Variants in SNUPN observed in about 807,000 individuals in gnomAD.
SNUPN encodes the protein snurportin-1.
SNUPN carries 31 observed loss-of-function variants against 39.2 expected under a neutral mutation model. That is an observed-to-expected ratio of 0.79 (90% CI 0.59 to 1.07). SNUPN has a LOEUF of 1.07. Ranked by LOEUF, SNUPN falls within the 50% of genes least tolerant of loss-of-function variation. The pLI is 0.00. For synonymous variants in SNUPN, 132 were observed against 159.0 expected, an observed-to-expected ratio of 0.83 and a Z score of 1.28; for missense variants, 382 against 434.2, an observed-to-expected ratio of 0.88 and a Z score of 1.07.
At chr15:75,614,328 T>TA (rs891690278) in intron 3 of SNUPN, among the ~76,000 whole-genome samples, 2 of 151,770 alleles carry the variant, frequency 1.3e-5, no homozygotes, top group African/African-American at 2.4e-5. Flanking sequence ...AAAAAACAAA[T>TA]AAAAATGGCA....
intron 2 of SNUPN, among the ~76,000 whole-genome samples, chr15:75,619,395 A>G (rs916780652): frequency 3.3e-5 from 5 of 152,038 alleles, no homozygotes; most frequent in African/African-American, 1.2e-4. Flanking sequence ...AAATCCCAGC[A>G]CTTTGGGAGG....
At chr15:75,600,254 C>T (rs1214704831) in intron 8 of SNUPN, among the ~76,000 whole-genome samples, 2 of 151,458 alleles carry the variant, frequency 1.3e-5, no homozygotes, top group South Asian at 2.1e-4. Context: ...ACTGGGGAGC[C>T]TCTGGGGCTG....
At chr15:75,607,974 G>A (rs931664534) in intron 5 of SNUPN, among the ~76,000 whole-genome samples, 1 of 152,184 alleles carries the variant, frequency 6.6e-6, no homozygotes, top group African/African-American at 2.4e-5. Context: ...AATGAACTGG[G>A]CACATGTGGG....
chr15:75,624,735 G>T, intron 1 of SNUPN: 1 of 1,277,246 alleles, frequency 7.8e-7, no homozygotes, highest in Non-Finnish European at 1.0e-6. Flanking sequence ...GGCTGTTCTT[G>T]GCGGGTTCCT....
In SNUPN at chr15:75,608,794, G is replaced by A. The variant is rs1216168641; in HGVS notation, c.502+764C>T. Among the ~76,000 whole-genome samples, 4 of 152,280 alleles carry A rather than the reference G, an allele frequency of 2.6e-5. No homozygotes were observed. In the East Asian group the frequency reaches 7.7e-4, roughly 29 times the overall value. On this transcript the variant is annotated intron_variant, in intron 5 of 8. Transcript: ENST00000308588. ...GCAACTGGGGACGCTTGACCTTGAA[G>A]GGGAGGTCCTTGGTCCAGGGGCCAG...
At chr15:75,624,589 C>T (rs1473535664) in intron 1 of SNUPN, 14 of 308,042 alleles carry the variant, frequency 4.5e-5, no homozygotes, top group Admixed American at 6.3e-5. Flanking sequence ...AGGAGAATGG[C>T]TTGAACCCGT....
intron 3 of SNUPN, among the ~76,000 whole-genome samples, chr15:75,615,643 C>T (rs998731712): frequency 2.7e-5 from 4 of 146,924 alleles, no homozygotes; most frequent in Non-Finnish European, 5.9e-5. Context: ...GCTCTGTCGC[C>T]CAGGCTGGAG....
At chr15:75,600,056 G>C (rs930941127) in intron 8 of SNUPN, among the ~76,000 whole-genome samples, 7 of 152,154 alleles carry the variant, frequency 4.6e-5, no homozygotes, top group Non-Finnish European at 7.4e-5. Context: ...ATGTTGGCGA[G>C]GCTGGTCTTG....
chr15:75,599,289 A>T (rs1384120948), intron 8 of SNUPN, among the ~76,000 whole-genome samples: 2 of 152,218 alleles, frequency 1.3e-5, no homozygotes, highest in African/African-American at 4.8e-5. Context: ...GGGGCTGCTC[A>T]TACTCAGGGA....
chr15:75,602,772 G>A (rs1467053424), intron 7 of SNUPN, among the ~76,000 whole-genome samples: 1 of 151,750 alleles, frequency 6.6e-6, no homozygotes, highest in Non-Finnish European at 1.5e-5. Flanking sequence ...TGCCTAATCT[G>A]TTTTTGTATT....
chr15:75,610,254 G>A (rs920306732), intron 3 of SNUPN, among the ~76,000 whole-genome samples: 1 of 151,906 alleles, frequency 6.6e-6, no homozygotes, highest in Non-Finnish European at 1.5e-5. Context: ...TAAAAAATTA[G>A]CTGGGTGTGG....
At chr15:75,609,867 A>G in intron 4 of SNUPN, 23 bp downstream of exon 4, 1 of 1,558,968 alleles carries the variant, frequency 6.4e-7, no homozygotes, top group Non-Finnish European at 8.9e-7. Flanking sequence ...GCCTACTGGC[A>G]TAGGGGGCAG....
At chr15:75,599,900 C>T (rs1005050466) in intron 8 of SNUPN, among the ~76,000 whole-genome samples, 1 of 148,372 alleles carries the variant, frequency 6.7e-6, no homozygotes, top group Non-Finnish European at 1.5e-5. Flanking sequence ...CAGTGGAGTG[C>T]GGTGGTGCGA....
chr15:75,621,028 C>T lies in SNUPN; in HGVS notation c.24G>A (p.Leu8=), dbSNP rs1352454511. Residue 8 remains leucine, a synonymous_variant, in exon 2 of 9, where the codon CTG becomes CTA. Transcript: ENST00000308588. MEELSQA[L]ASSFSVSQDL... Reference sequence around the variant, plus strand: ...CTTGAGACACAGAAAAGCTACTAGCCAGGGCCTGACTCAACTCTTCCATCT... The same window carrying T: ...CTTGAGACACAGAAAAGCTACTAGCTAGGGCCTGACTCAACTCTTCCATCT... 1.2e-6 allele frequency: 2 copies of T among 1,613,716 alleles called. No homozygotes were observed.
chr15:75,622,577 G>C (rs1018344500), intron 1 of SNUPN: 49 of 813,590 alleles, frequency 6.0e-5, no homozygotes, highest in Non-Finnish European at 5.9e-5. Context: ...AGGAACATTT[G>C]GGAGAAATCT....
intron 5 of SNUPN, 99 bp from the exon 6 acceptor site, chr15:75,607,412 C>A: frequency 1.3e-6 from 1 of 774,292 alleles, no homozygotes; most frequent in Admixed American, 1.9e-5. Context: ...TTGAGTCCAA[C>A]AATCCTCAGT....
At chr15:75,619,286 C>CA (rs777315097) in intron 2 of SNUPN, among the ~76,000 whole-genome samples, 191 of 120,678 alleles carry the variant, frequency 1.6e-3, no homozygotes, top group Middle Eastern at 4.2e-3. Flanking sequence ...GAGATAGAGT[C>CA]AAAAAAAAAA....
rs568270319 is a variant in SNUPN at position 75,620,051 on chromosome 15, T to C, written c.158+843A>G. On this transcript the variant is annotated intron_variant, in intron 2 of 8. Transcript: ENST00000308588. ...GGCGTCAGCCACCATGCCCGGCCTCTTATGTATATTTTAAATTTTCAACCA... is the reference window on the plus strand; with the variant it reads ...GGCGTCAGCCACCATGCCCGGCCTCCTATGTATATTTTAAATTTTCAACCA... Among the ~76,000 whole-genome samples, 5 of 152,084 alleles carry C rather than the reference T, an allele frequency of 3.3e-5. No individual in the cohort carries two copies. In the South Asian group the frequency reaches 1.0e-3, roughly 32 times the overall value.
chr15:75,609,767 C>A (rs560019097), intron 4 of SNUPN, 116 bp from the exon 5 acceptor site: 46 of 1,141,792 alleles, frequency 4.0e-5, no homozygotes, highest in Non-Finnish European at 5.7e-5. Context: ...AACCTTCCTG[C>A]AGGAAAGTGT....
Sources: allele counts gnomAD v4.1 joint callset (sites outside exome capture counted in the v4.1 genomes callset), GRCh38; gene constraint gnomAD v4.1.1; transcripts MANE v1.5; gene names NCBI Gene and HGNC (gene_info 2026-07-23, HGNC 2026-07-21).